Variants in IDH1 observed in about 807,000 individuals in gnomAD.
IDH1 encodes the protein isocitrate dehydrogenase [NADP] cytoplasmic.
A neutral mutation model predicts 46.1 loss-of-function variants in IDH1; 33 were observed. The ratio of observed to expected loss-of-function variants is 0.72; its 90% CI spans 0.54 to 0.96. The LOEUF is 0.96. Ranked by LOEUF, IDH1 falls within the 40% of genes least tolerant of loss-of-function variation. IDH1 has a pLI of 0.00. For synonymous variants in IDH1, 144 were observed against 172.8 expected (o/e 0.83, Z 1.31); for missense variants, 421 against 515.7 (o/e 0.82, Z 1.78).
chr2:208,244,350 C>T lies in IDH1; in HGVS notation c.521-746G>A, dbSNP rs534953655. ...AGCCTCAGGTATTTCTTTATAGCAA[C>T]GCAAGAATGGACAAACACCCTACCT... is the stretch of plus-strand genomic sequence containing the variant. On this transcript the variant is annotated intron_variant, in intron 5 of 9. Transcript: ENST00000345146. Among the ~76,000 whole-genome samples the T allele has an allele frequency of 6.6e-5, 10 of 152,222 alleles. No individual in the cohort carries two copies. The East Asian group carries it at 7.7e-4, about 12-fold the overall frequency.
rs1688124127 is a variant in IDH1, at chr2:208,251,553, T to C, written c.-2A>G. 1 of 1,613,546 alleles carries C rather than the reference T, an allele frequency of 6.2e-7. No homozygotes were observed. The stretch of plus-strand genomic sequence containing the variant: ...ACCGCCACTGATTTTTTTGGACATT[T>C]TGACTTCAATAAACCTAAAAAGAAA... On this transcript the variant is annotated 5_prime_UTR_variant, in exon 3 of 10. Transcript: ENST00000345146.
At chr2:208,242,754 T>TTTTAC (rs1559360039) in intron 6 of IDH1, among the ~76,000 whole-genome samples, 1 of 151,844 alleles carries the variant, frequency 6.6e-6, no homozygotes, top group African/African-American at 2.4e-5. Flanking sequence ...TAAATTCTTT[T>TTTTAC]TTTTCTTTTC....
At chr2:208,253,522 T>A (rs537288532) in intron 2 of IDH1, among the ~76,000 whole-genome samples, 1 of 152,316 alleles carries the variant, frequency 6.6e-6, no homozygotes, top group East Asian at 1.9e-4. Flanking sequence ...CACCAGCTCA[T>A]ATGAAGTAGC....
At chr2:208,246,160 T>A (rs530118579) in intron 4 of IDH1, among the ~76,000 whole-genome samples, 1 of 152,152 alleles carries the variant, frequency 6.6e-6, no homozygotes, top group Admixed American at 6.5e-5. Flanking sequence ...GGGATGATGA[T>A]GATTTTTAGG....
intron 7 of IDH1, among the ~76,000 whole-genome samples, chr2:208,241,389 ATTTTTTT>A (rs35384132): frequency 2.5e-5 from 3 of 119,964 alleles, no homozygotes; most frequent in Non-Finnish European, 3.5e-5. Context: ...CACCTGGCTA[ATTTTTTT>A]TTTTTTTTTT....
At chr2:208,245,789 C>A (rs1414364047) in intron 4 of IDH1, among the ~76,000 whole-genome samples, 2 of 117,362 alleles carry the variant, frequency 1.7e-5, no homozygotes, top group Non-Finnish European at 1.7e-5. Context: ...ACCCCCCCCC[C>A]AAAAAAAAAA....
At chr2:208,242,229 C>T in intron 6 of IDH1, 84 bp from the exon 7 acceptor site, 5 of 1,260,006 alleles carry the variant, frequency 4.0e-6, no homozygotes, top group Middle Eastern at 2.3e-4. Flanking sequence ...AAACAGAAGA[C>T]CGGACACACA....
intron 1 of IDH1, chr2:208,254,472 G>A (rs1688178615): frequency 6.6e-6 from 1 of 152,246 alleles, no homozygotes. Context: ...GGACGCGAGG[G>A]ATCGGCTTCA....
At chr2:208,246,625 C>A (rs1430413177) in intron 4 of IDH1, among the ~76,000 whole-genome samples, 1 of 99,284 alleles carries the variant, frequency 1.0e-5, no homozygotes, top group Non-Finnish European at 1.9e-5. Context: ...ATGACTGATG[C>A]CAAAATAATT....
chr2:208,252,792 A>G (rs1053840337), intron 2 of IDH1, among the ~76,000 whole-genome samples: 3 of 152,244 alleles, frequency 2.0e-5, no homozygotes, highest in African/African-American at 7.2e-5. Flanking sequence ...TCCAATCCCC[A>G]GGCCCATTTT....
chr2:208,245,323 A>C lies in IDH1; in HGVS notation c.516T>G (p.Phe172Leu). The C allele has an allele frequency of 6.6e-7, 1 of 1,522,910 alleles. No individual in the cohort carries two copies. 94.3% of individuals were successfully genotyped at this position (1,522,910 alleles called of 1,614,324 possible). A position where few individuals can be genotyped will look rare whatever the true frequency, so the allele number is the denominator to read the frequency against. ...TTATGCTACAGTCATACATACCTTCAAAGTTATGTACCAGGTATGTCACCT... is the reference window on the plus strand; with the variant it reads ...TTATGCTACAGTCATACATACCTTCCAAGTTATGTACCAGGTATGTCACCT... ...TQKVTYLVHN[F>L]EEGGGVAMGM... Residue 172 changes from phenylalanine to leucine, a missense_variant, in exon 5 of 10, where the codon TTT (phenylalanine) becomes TTG (leucine). By Grantham distance (22) the Phe-to-Leu change is conservative. Coordinates refer to ENST00000345146, the MANE Select transcript of IDH1 (RefSeq NM_005896.4).
chr2:208,240,029 T>C, intron 7 of IDH1, 26 bp from the exon 8 acceptor site: 1 of 1,613,772 alleles, frequency 6.2e-7, no homozygotes, highest in Non-Finnish European at 8.5e-7. Context: ...CATGAAGCGT[T>C]GGGTCCAACT....
intron 5 of IDH1, among the ~76,000 whole-genome samples, chr2:208,244,093 G>A (rs565882700): frequency 1.3e-4 from 20 of 152,320 alleles, no homozygotes; most frequent in South Asian, 1.2e-3. Flanking sequence ...TGGTGATTAC[G>A]TGAGTTCTCG....
At chr2:208,251,244 CT>C (rs946807019) in intron 3 of IDH1, 185 bp downstream of exon 3, 17 of 486,370 alleles carry the variant, frequency 3.5e-5, no homozygotes, top group East Asian at 1.3e-4. Context: ...TTCTCCTTCC[CT>C]TTTTTTTCCT....
At chr2:208,252,658 T>C (rs1688145431) in intron 2 of IDH1, among the ~76,000 whole-genome samples, 1 of 152,216 alleles carries the variant, frequency 6.6e-6, no homozygotes, top group Non-Finnish European at 1.5e-5. Flanking sequence ...TTTAAAGAAT[T>C]ATTAGATAAG....
chr2:208,241,027 G>C (rs2124850476), intron 7 of IDH1, among the ~76,000 whole-genome samples: 1 of 152,260 alleles, frequency 6.6e-6, no homozygotes, highest in East Asian at 1.9e-4. Context: ...CATTCATCTG[G>C]GGAGATTCAA....
Position 208,238,952 on chromosome 2 carries a change from C to T in IDH1, c.1154+119G>A. ...CTATCTGACAATTTACAGATATCTG[C>T]TGACTCCTGAACTAGATGATGAATA... On this transcript the variant is annotated intron_variant, in intron 9 of 9. Coordinates refer to ENST00000345146, the MANE Select transcript of IDH1 (RefSeq NM_005896.4). 8.6e-6 allele frequency: 8 copies of T among 925,888 alleles called. No homozygotes were observed. In the South Asian group the frequency reaches 9.5e-5, roughly 11 times the overall value. 57.4% of individuals were successfully genotyped at this position (925,888 alleles called of 1,614,324 possible). A position where few individuals can be genotyped will look rare whatever the true frequency, so the allele number is the denominator to read the frequency against.
intron 7 of IDH1, among the ~76,000 whole-genome samples, chr2:208,240,959 T>C (rs1559359462): frequency 6.6e-6 from 1 of 152,138 alleles, no homozygotes; most frequent in South Asian, 2.1e-4. Context: ...TTAACACTGA[T>C]AAGAGACAGA....
At chr2:208,248,304 G>A (rs1688059422) in intron 4 of IDH1, 65 bp downstream of exon 4, 1 of 1,444,264 alleles carries the variant, frequency 6.9e-7, no homozygotes, top group Admixed American at 1.7e-5. Context: ...ACACATACAA[G>A]TTGGAAATTT....
Sources: allele counts gnomAD v4.1 joint callset (sites outside exome capture counted in the v4.1 genomes callset), GRCh38; gene constraint gnomAD v4.1.1; transcripts MANE v1.5; gene names NCBI Gene and HGNC (gene_info 2026-07-23, HGNC 2026-07-21).